The following TENM1 variants were observed in gnomAD, a reference collection of about 807,000 sequenced individuals.
TENM1 encodes teneurin transmembrane protein 1.
In TENM1, 35 loss-of-function variants were observed where a neutral mutation model predicts 174.8. The ratio of observed to expected loss-of-function variants is 0.20; its 90% confidence interval spans 0.15 to 0.27. The LOEUF (loss-of-function observed/expected upper bound fraction) is 0.27. TENM1 is among the 10% of genes least tolerant of loss of function. The pLI is 1.00. For synonymous variants in TENM1, 781 were observed against 798.7 expected, an observed-to-expected ratio of 0.98 and a Z score of 0.37; for missense variants, 1,633 against 2,130.1, an observed-to-expected ratio of 0.77 and a Z score of 4.59.
chrX:124,717,849 A>C (rs1362629544), intron 4 of TENM1, among the ~76,000 whole-genome samples: 1 of 112,169 alleles, frequency 8.9e-6, no homozygotes, highest in Non-Finnish European at 1.9e-5. Flanking sequence ...TTCCACAGAC[A>C]TCTGATCTAG....
At chrX:124,851,216 A>C (rs2056714013) in intron 3 of TENM1, among the ~76,000 whole-genome samples, 1 of 111,532 alleles carries the variant, frequency 9.0e-6, no homozygotes, top group Non-Finnish European at 1.9e-5. Flanking sequence ...GACTGAGGTC[A>C]AGAGGAAAAT....
intron 1 of TENM1, among the ~76,000 whole-genome samples, chrX:124,943,751 G>A (rs1363751197): frequency 8.9e-6 from 1 of 112,053 alleles, no homozygotes; most frequent in African/African-American, 3.2e-5. Flanking sequence ...ATTTTTGCAA[G>A]AGGAGACAAA....
At chrX:124,658,082 G>A (rs2051493618) in intron 6 of TENM1, among the ~76,000 whole-genome samples, 1 of 111,595 alleles carries the variant, frequency 9.0e-6, no homozygotes, top group Non-Finnish European at 1.9e-5. Context: ...AAAATGGGAG[G>A]TGGAACTAAC....
chrX:124,999,761 G>A, the TENM1 span, among the ~76,000 whole-genome samples: 2 of 110,595 alleles, frequency 1.8e-5, no homozygotes, highest in Non-Finnish European at 3.8e-5. Flanking sequence ...GCTCTACAAA[G>A]GCAATTTAAG....
At chrX:124,683,132 G>A (rs73545905) in intron 5 of TENM1, among the ~76,000 whole-genome samples, 2,142 of 111,653 alleles carry the variant, frequency 0.019, 44 homozygotes, top group African/African-American at 0.067. Context: ...AAAGTGTTCT[G>A]CAATTAAAAG....
intron 21 of TENM1, among the ~76,000 whole-genome samples, chrX:124,484,627 C>T (rs896802141): frequency 9.9e-5 from 11 of 111,332 alleles, no homozygotes; most frequent in African/African-American, 3.6e-4. Context: ...GAGCTCTTTT[C>T]GTTGACTCAT....
At chrX:124,422,852 A>G (rs1177385726) in intron 23 of TENM1, among the ~76,000 whole-genome samples, 6 of 112,092 alleles carry the variant, frequency 5.4e-5, no homozygotes, top group African/African-American at 1.9e-4. Context: ...TTACAATATA[A>G]TGTAATTTTT....
intron 3 of TENM1, among the ~76,000 whole-genome samples, chrX:124,789,986 T>C (rs1241686808): frequency 8.9e-6 from 1 of 112,333 alleles, no homozygotes; most frequent in Non-Finnish European, 1.9e-5. Flanking sequence ...AAGTGGTTTA[T>C]TGGACTTACA....
intron 3 of TENM1, among the ~76,000 whole-genome samples, chrX:124,747,977 G>T (rs932976625): frequency 8.9e-6 from 1 of 111,861 alleles, no homozygotes; most frequent in Admixed American, 9.5e-5. Flanking sequence ...TGCTTCCCCT[G>T]TACTTCATGG....
At position 124,879,898 on chromosome X, in the gene TENM1, T is replaced by C. The variant is rs190971349; in HGVS notation, c.535+14398A>G. On this transcript the variant is annotated intron_variant, in intron 3 of 31. Coordinates refer to ENST00000422452, the Ensembl canonical transcript of TENM1. The stretch of plus-strand genomic sequence containing the variant: ...TGTCTGGGTTCTCTATTCTTTTCAA[T>C]TGGTCTATGTGTCTGTTTTTATACC... Among the ~76,000 whole-genome samples the C allele has an allele frequency of 2.7e-5, 3 of 112,064 alleles. No homozygotes were observed. The East Asian group carries it at 8.4e-4, about 31-fold the overall frequency.
At chrX:124,548,128 A>G (rs763663883) in intron 14 of TENM1, among the ~76,000 whole-genome samples, 1 of 112,005 alleles carries the variant, frequency 8.9e-6, no homozygotes, top group East Asian at 2.8e-4. Context: ...GAGCAACCGC[A>G]CCCAGCCGAT....
At chrX:124,632,062 G>A (rs1410056163) in intron 11 of TENM1, among the ~76,000 whole-genome samples, 1 of 106,547 alleles carries the variant, frequency 9.4e-6, no homozygotes, top group Non-Finnish European at 1.9e-5. Context: ...ATAGGAGCAT[G>A]CCGCCACACT....
At chrX:124,475,386 C>T (rs974293227) in intron 22 of TENM1, among the ~76,000 whole-genome samples, 1 of 111,519 alleles carries the variant, frequency 9.0e-6, no homozygotes, top group African/African-American at 3.3e-5. Context: ...TAGAAAAAGG[C>T]TTCCTGAGTT....
At chrX:124,953,726 G>A (rs972115562) in intron 1 of TENM1, among the ~76,000 whole-genome samples, 2 of 111,710 alleles carry the variant, frequency 1.8e-5, no homozygotes, top group Non-Finnish European at 3.8e-5. Flanking sequence ...CACTTAGCCA[G>A]GGAGTCAGTC....
rs776318826 is a variant in TENM1, at chrX:124,481,834, A to G, written c.3847T>C (p.Phe1283Leu). Residue 1283 changes from phenylalanine (F) to leucine (L), a missense_variant, in exon 22 of 32, where the codon TTT becomes CTT. By Grantham distance (22) the Phe-to-Leu change is conservative (BLOSUM62 0). This residue lies in a region of TENM1 where 72 missense variants were observed against 59.4 expected (regional missense o/e 1.21). Coordinates refer to ENST00000422452, the Ensembl canonical transcript of TENM1. The stretch of plus-strand genomic sequence containing the variant: ...TCACCAGTTCCTGCCACCACTTCAA[A>G]ATTCTTGGACAGATCTTTCGTCTCC... 7 of 1,204,155 alleles carry G rather than the reference A, an allele frequency of 5.8e-6. No homozygotes were observed. The African/African-American group carries it at 1.2e-4, about 21-fold the overall frequency.
chrX:124,470,739 A>G (rs1005993416), intron 22 of TENM1, among the ~76,000 whole-genome samples: 3 of 110,601 alleles, frequency 2.7e-5, no homozygotes, highest in African/African-American at 9.9e-5. Flanking sequence ...TTGCCCCTTC[A>G]GCAGGTCTCC....
chrX:124,608,807 T>A (rs1223661333), intron 11 of TENM1, among the ~76,000 whole-genome samples: 1 of 106,744 alleles, frequency 9.4e-6, no homozygotes, highest in Non-Finnish European at 1.9e-5. Context: ...CATTTTAGGA[T>A]GCTTTATCAG....
At chrX:125,078,683 T>C in the TENM1 span, among the ~76,000 whole-genome samples, 11 of 111,544 alleles carry the variant, frequency 9.9e-5, no homozygotes, top group Middle Eastern at 4.6e-3. Context: ...ATAGTGATGA[T>C]GGCAAACAAT....
chrX:124,592,298 T>A (rs917113692), intron 11 of TENM1, among the ~76,000 whole-genome samples: 1 of 111,821 alleles, frequency 8.9e-6, no homozygotes, highest in African/African-American at 3.3e-5. Context: ...AAGCTGTCGC[T>A]ACATTCAGAT....
Sources: gnomAD v4.1 joint callset for allele counts (sites outside exome capture counted in the v4.1 genomes callset) on GRCh38, gnomAD v4.1.1 for gene constraint, gnomAD v4.1.1 regional missense constraint, MANE v1.5 for transcripts, NCBI Gene and HGNC (gene_info 2026-07-23, HGNC 2026-07-21) for gene names.